The following TNFSF10 variants were observed in gnomAD, a reference collection of about 807,000 sequenced individuals.
TNFSF10 encodes TNF superfamily member 10, also known as tumor necrosis factor ligand superfamily member 10.
Under a neutral mutation model 29.5 loss-of-function variants are expected in TNFSF10, and 13 were observed. That is an observed-to-expected ratio of 0.44 (90% CI 0.29 to 0.70). The LOEUF (loss-of-function observed/expected upper bound fraction) is 0.70, where lower values mean the gene tolerates loss of function less well. Among genes scored for constraint, TNFSF10 ranks in the 30% least tolerant of loss-of-function variants. TNFSF10 has a pLI of 0.13. For synonymous variants in TNFSF10, 111 were observed against 112.8 expected (o/e 0.98, Z 0.10); for missense variants, 345 against 330.9 (o/e 1.04, Z -0.33).
chr3:172,514,739 C>T, intron 2 of TNFSF10, 122 bp downstream of exon 2: 1 of 1,345,060 alleles, frequency 7.4e-7, no homozygotes, highest in South Asian at 1.5e-5. Flanking sequence ...TACTCTGGGC[C>T]TAAGTTTTCT....
In TNFSF10 at chr3:172,519,750, A is replaced by G. The variant is rs546240037; in HGVS notation, c.132+3503T>C. Among the ~76,000 whole-genome samples the G allele has an allele frequency of 2.6e-5, 4 of 152,380 alleles. No individual in the cohort carries two copies. The East Asian group carries it at 7.7e-4, about 29-fold the overall frequency. ...ATTTCCGACTGATTGGGATAACCAA[A>G]CTTACATTCCACAGGATATGCAAAC... On this transcript the variant is annotated intron_variant, in intron 1 of 4. Transcript: ENST00000241261.
At chr3:172,518,892 G>T (rs1682310095) in intron 1 of TNFSF10, among the ~76,000 whole-genome samples, 1 of 152,176 alleles carries the variant, frequency 6.6e-6, no homozygotes, top group Middle Eastern at 3.2e-3. Flanking sequence ...GCAGTAATTA[G>T]AACGCTACTA....
chr3:172,509,375 A>G, intron 3 of TNFSF10, 54 bp from the exon 4 acceptor site: 1 of 1,431,878 alleles, frequency 7.0e-7, no homozygotes, highest in South Asian at 1.2e-5. Context: ...GTTCTCCAAT[A>G]CCTTGCTCTT....
At chr3:172,512,856 C>G (rs953583090) in intron 2 of TNFSF10, among the ~76,000 whole-genome samples, 1 of 152,230 alleles carries the variant, frequency 6.6e-6, no homozygotes, top group African/African-American at 2.4e-5. Flanking sequence ...GTTTCAGTTA[C>G]TGGCTCTGTG....
At chr3:172,508,862 C>T (rs1213282002) in intron 4 of TNFSF10, among the ~76,000 whole-genome samples, 1 of 150,170 alleles carries the variant, frequency 6.7e-6, no homozygotes, top group Non-Finnish European at 1.5e-5. Flanking sequence ...GCACTCCAGC[C>T]TGGGCAACAA....
Position 172,506,361 on chromosome 3 carries a change from G to T in TNFSF10, c.*131C>A. ...TGGTTGTGGCTGCTCTACTCAGATT[G>T]CATAGAGGTTTTTTTGTTTTCTGTT... On this transcript the variant is annotated 3_prime_UTR_variant, in exon 5 of 5. Coordinates refer to ENST00000241261, the MANE Select transcript of TNFSF10 (RefSeq NM_003810.4). 1 of 1,173,512 alleles carries T rather than the reference G, an allele frequency of 8.5e-7. No homozygotes were observed. The highest frequency in any genetic ancestry group is 1.2e-6 in the Non-Finnish European group (1 of 852,218). 72.7% of individuals were successfully genotyped at this position (1,173,512 alleles called of 1,614,324 possible).
chr3:172,514,420 A>G (rs1463992839), intron 2 of TNFSF10, among the ~76,000 whole-genome samples: 2 of 151,858 alleles, frequency 1.3e-5, no homozygotes, highest in East Asian at 3.9e-4. Context: ...CTTTATCTCT[A>G]TATGCATACA....
Position 172,523,336 on chromosome 3 carries a change from C to T in TNFSF10, c.49G>A (p.Val17Met), listed in dbSNP as rs11545817. Residue 17 changes from valine (V) to methionine (M), a missense_variant, in exon 1 of 5, where the codon GTG (valine) becomes ATG (methionine). Physicochemically the swap from Val to Met is conservative, Grantham distance 21 (BLOSUM62 1). Coordinates refer to ENST00000241261, the MANE Select transcript of TNFSF10 (RefSeq NM_003810.4). Reference protein sequence around the residue: ...QGGPSLGQTCVLIVIFTVLLQ... With the variant: ...QGGPSLGQTCMLIVIFTVLLQ... Reference sequence around the variant, plus strand: ...AGCACTGTGAAGATCACGATCAGCACGCAGGTCTGTCCCAGGCTGGGTCCC... The same window carrying T: ...AGCACTGTGAAGATCACGATCAGCATGCAGGTCTGTCCCAGGCTGGGTCCC... 4.8e-5 allele frequency: 78 copies of T among 1,613,982 alleles called. No homozygotes were observed. Among genetic ancestry groups the T allele is most frequent in the East Asian group, 8.9e-5 (4 of 44,898 alleles).
chr3:172,509,690 A>G (rs986804871), intron 3 of TNFSF10, among the ~76,000 whole-genome samples: 2 of 152,238 alleles, frequency 1.3e-5, no homozygotes, highest in African/African-American at 4.8e-5. Context: ...AAATTGTGCA[A>G]ATAACTACGT....
chr3:172,522,307 A>G (rs1713733597), intron 1 of TNFSF10: 4 of 781,272 alleles, frequency 5.1e-6, no homozygotes, highest in East Asian at 2.6e-5. Context: ...GCTGTGTGCT[A>G]TTGGATAAAG....
intron 3 of TNFSF10, 88 bp downstream of exon 3, chr3:172,511,529 G>C: frequency 1.8e-6 from 2 of 1,109,062 alleles, no homozygotes; most frequent in South Asian, 1.4e-5. Flanking sequence ...GAGTGGATGA[G>C]AACACAGAGA....
At chr3:172,520,580 C>G (rs6802485) in intron 1 of TNFSF10, among the ~76,000 whole-genome samples, 1 of 152,280 alleles carries the variant, frequency 6.6e-6, no homozygotes, top group East Asian at 1.9e-4. Context: ...CTACCCTTGT[C>G]GCCTGCATAT....
At chr3:172,511,426 G>A (rs145314598) in intron 3 of TNFSF10, 191 bp downstream of exon 3, 4 of 473,294 alleles carry the variant, frequency 8.5e-6, no homozygotes, top group African/African-American at 6.0e-5. Flanking sequence ...ATGGGCCACA[G>A]ATTTGGTTCT....
chr3:172,506,412 T>TGTTTG lies in TNFSF10; in HGVS notation c.*79_*80insCAAAC. The stretch of plus-strand genomic sequence containing the variant: ...TTCTGTTTGTTTGTTTTGGTCAGAT[T>TGTTTG]TTTTGAAACATCTTCATAGTGTATC... On this transcript the variant is annotated 3_prime_UTR_variant, in exon 5 of 5. Coordinates refer to ENST00000241261, the MANE Select transcript of TNFSF10 (RefSeq NM_003810.4). 2.0e-6 allele frequency: 3 copies of TGTTTG among 1,474,900 alleles called. No homozygotes were observed. Among genetic ancestry groups the TGTTTG allele is most frequent in the Non-Finnish European group, 2.7e-6 (3 of 1,103,432 alleles). The allele number at this position is 1,474,900 out of a possible 1,614,324, so 91.4% of individuals were successfully genotyped here.
At chr3:172,508,834 A>C in intron 4 of TNFSF10, among the ~76,000 whole-genome samples, 1 of 151,994 alleles carries the variant, frequency 6.6e-6, no homozygotes, top group Non-Finnish European at 1.5e-5. Context: ...GGTTGCAGTG[A>C]GCCGAGATGG....
At chr3:172,511,547 T>C in intron 3 of TNFSF10, 70 bp downstream of exon 3, 2 of 1,288,300 alleles carry the variant, frequency 1.6e-6, no homozygotes, top group South Asian at 1.3e-5. Context: ...AGAAGGAGAA[T>C]GGAGAACTAT....
chr3:172,506,979 G>A (rs1001891326), intron 4 of TNFSF10, 60 bp from the exon 5 acceptor site: 1 of 1,439,128 alleles, frequency 6.9e-7, no homozygotes, highest in Admixed American at 2.8e-5. Context: ...AAAGCAAGGA[G>A]CTTTTTTGCA....
At chr3:172,512,912 C>A (rs1270274698) in intron 2 of TNFSF10, among the ~76,000 whole-genome samples, 1 of 152,098 alleles carries the variant, frequency 6.6e-6, no homozygotes, top group African/African-American at 2.4e-5. Context: ...ATTTATTAAT[C>A]TATTTTTAAA....
chr3:172,507,770 C>T (rs981917554), intron 4 of TNFSF10, among the ~76,000 whole-genome samples: 16 of 152,204 alleles, frequency 1.1e-4, no homozygotes, highest in African/African-American at 3.9e-4. Context: ...CTAAACCAAC[C>T]AACCAACCCC....
Sources: gnomAD v4.1 joint callset for allele counts (sites outside exome capture counted in the v4.1 genomes callset) on GRCh38, gnomAD v4.1.1 for gene constraint, MANE v1.5 for transcripts, NCBI Gene and HGNC (gene_info 2026-07-23, HGNC 2026-07-21) for gene names.